The following ARHGAP24 variants were observed in gnomAD, a reference collection of about 807,000 sequenced individuals.
ARHGAP24 encodes Rho GTPase activating protein 24.
In ARHGAP24, 50 loss-of-function variants were observed where a neutral mutation model predicts 76.4. The observed-to-expected ratio is 0.65, with a 90% CI of 0.52 to 0.83. The LOEUF is 0.83. ARHGAP24 is among the 40% of genes least tolerant of loss of function. The pLI is 0.00. For synonymous variants in ARHGAP24, 345 were observed against 323.3 expected (o/e 1.07, Z -0.72); for missense variants, 930 against 914.2 (o/e 1.02, Z -0.22).
intron 3 of ARHGAP24, among the ~76,000 whole-genome samples, chr4:85,923,321 T>C (rs954088199): frequency 5.3e-5 from 8 of 152,176 alleles, no homozygotes; most frequent in Non-Finnish European, 1.2e-4. Context: ...TTTCATTTTG[T>C]TTTTGCTGTT....
intron 3 of ARHGAP24, among the ~76,000 whole-genome samples, chr4:85,918,000 G>A (rs759514647): frequency 2.0e-5 from 3 of 151,836 alleles, no homozygotes; most frequent in Non-Finnish European, 4.4e-5. Flanking sequence ...GAGCAACATA[G>A]GTCTCATGTC....
chr4:85,586,842 G>C (rs1364109006), intron 2 of ARHGAP24, among the ~76,000 whole-genome samples: 1 of 152,068 alleles, frequency 6.6e-6, no homozygotes, highest in Non-Finnish European at 1.5e-5. Context: ...ATGTTGCGGT[G>C]AACCGACATT....
chr4:85,798,261 T>C (rs1321172896), intron 3 of ARHGAP24, among the ~76,000 whole-genome samples: 2 of 152,214 alleles, frequency 1.3e-5, no homozygotes, highest in African/African-American at 4.8e-5. Context: ...CAAGGCATTA[T>C]GCTCAGTGAA....
At chr4:85,772,024 T>A (rs1727149677) in intron 3 of ARHGAP24, among the ~76,000 whole-genome samples, 1 of 152,190 alleles carries the variant, frequency 6.6e-6, no homozygotes, top group Non-Finnish European at 1.5e-5. Context: ...ATACCATTTT[T>A]AAATAAAAAT....
In ARHGAP24 at chr4:85,724,158, A is replaced by G. The variant is rs150218502; in HGVS notation, c.268+2186A>G. Among the ~76,000 whole-genome samples, 994 of 152,286 alleles carry G rather than the reference A, an allele frequency of 6.5e-3. 13 individuals are homozygous for G. The highest frequency in any genetic ancestry group is 0.023 in the Admixed American group (358 of 15,292). ...ACCTGGCAGCAGATCCTCATAAAGC[A>G]TATTTATTCTAGATTGGCTTTCTCT... is the stretch of plus-strand genomic sequence containing the variant. On this transcript the variant is annotated intron_variant, in intron 3 of 9. Coordinates refer to ENST00000395184, the MANE Select transcript of ARHGAP24 (RefSeq NM_001025616.3).
chr4:85,603,739 G>C (rs1720106788), intron 2 of ARHGAP24, among the ~76,000 whole-genome samples: 1 of 152,102 alleles, frequency 6.6e-6, no homozygotes, highest in Non-Finnish European at 1.5e-5. Flanking sequence ...TTCTAGTACT[G>C]TGCTAAGCGC....
intron 4 of ARHGAP24, among the ~76,000 whole-genome samples, chr4:85,933,841 C>G (rs1347834808): frequency 6.6e-6 from 1 of 152,158 alleles, no homozygotes; most frequent in African/African-American, 2.4e-5. Context: ...AAGTCCACCT[C>G]TATCTTGATT....
Position 85,671,774 on chromosome 4 carries a change from C to A in ARHGAP24, c.181-50111C>A, listed in dbSNP as rs181146175. Reference sequence around the variant, plus strand: ...AAATTATAGTTGAAGGGTAGGATTGCCTATAAAAATGGATACCTCTTAATA... The same window carrying A: ...AAATTATAGTTGAAGGGTAGGATTGACTATAAAAATGGATACCTCTTAATA... On this transcript the variant is annotated intron_variant, in intron 2 of 9. Coordinates refer to ENST00000395184, the MANE Select transcript of ARHGAP24 (RefSeq NM_001025616.3). 7.4e-3 allele frequency among the ~76,000 whole-genome samples: 1,132 copies of A among 152,112 alleles called. 14 individuals carry two copies. Among genetic ancestry groups the A allele is most frequent in the African/African-American group, 0.026 (1,078 of 41,470 alleles).
At chr4:85,755,631 G>GTTTTTTTTTTT (rs1329803538) in intron 3 of ARHGAP24, among the ~76,000 whole-genome samples, 2 of 115,790 alleles carry the variant, frequency 1.7e-5, no homozygotes, top group African/African-American at 3.2e-5. Context: ...CTTTTGTTTT[G>GTTTTTTTTTTT]TTTTGTTTTG....
At chr4:85,506,728 C>T (rs1044656295) in intron 1 of ARHGAP24, among the ~76,000 whole-genome samples, 5 of 152,192 alleles carry the variant, frequency 3.3e-5, no homozygotes, top group African/African-American at 9.7e-5. Context: ...CGCCCTGCTT[C>T]GACTCACCCT....
At chr4:85,907,685 A>G (rs1734845527) in intron 3 of ARHGAP24, among the ~76,000 whole-genome samples, 1 of 152,196 alleles carries the variant, frequency 6.6e-6, no homozygotes, top group Non-Finnish European at 1.5e-5. Flanking sequence ...TTGGAGATTC[A>G]TATGCTTGTT....
intron 2 of ARHGAP24, among the ~76,000 whole-genome samples, chr4:85,629,704 G>T (rs1721098134): frequency 6.6e-6 from 1 of 152,150 alleles, no homozygotes; most frequent in South Asian, 2.1e-4. Flanking sequence ...GTTCTGCTGA[G>T]AAATCATCTG....
intron 9 of ARHGAP24, among the ~76,000 whole-genome samples, chr4:85,996,057 G>A (rs1396577594): frequency 6.6e-6 from 1 of 152,128 alleles, no homozygotes; most frequent in Non-Finnish European, 1.5e-5. Context: ...GATGAAACTA[G>A]GGTAAAAAAA....
intron 2 of ARHGAP24, among the ~76,000 whole-genome samples, chr4:85,698,858 T>C (rs1723966692): frequency 6.6e-6 from 1 of 152,194 alleles, no homozygotes; most frequent in African/African-American, 2.4e-5. Context: ...AGGAAGTGTT[T>C]GAGTCATGAG....
intron 5 of ARHGAP24, among the ~76,000 whole-genome samples, chr4:85,955,392 C>A (rs1737852687): frequency 6.6e-6 from 1 of 152,008 alleles, no homozygotes; most frequent in South Asian, 2.1e-4. Context: ...CAAAACAAAA[C>A]AAAACAAAAA....
intron 2 of ARHGAP24, among the ~76,000 whole-genome samples, chr4:85,648,016 T>G (rs1721789045): frequency 6.6e-6 from 1 of 152,122 alleles, no homozygotes. Context: ...TTTGAAAAAT[T>G]TTTATTGAAG....
At chr4:85,902,031 T>A (rs971502042) in intron 3 of ARHGAP24, among the ~76,000 whole-genome samples, 2 of 152,204 alleles carry the variant, frequency 1.3e-5, no homozygotes, top group Non-Finnish European at 2.9e-5. Context: ...TGAGTCCATG[T>A]GTTCTCATTG....
intron 1 of ARHGAP24, among the ~76,000 whole-genome samples, chr4:85,496,864 G>T (rs1723603753): frequency 6.6e-6 from 1 of 152,098 alleles, no homozygotes; most frequent in Non-Finnish European, 1.5e-5. Flanking sequence ...TCCTTTCTGA[G>T]AAAAGTCCCG....
At chr4:85,652,899 G>T (rs59472761) in intron 2 of ARHGAP24, among the ~76,000 whole-genome samples, 16,768 of 151,618 alleles carry the variant, frequency 0.11, 3,144 homozygotes, top group African/African-American at 0.39. Flanking sequence ...TGAGTTTTTT[G>T]TTTGTTTGTT....
Sources: gnomAD v4.1 joint callset for allele counts (sites outside exome capture counted in the v4.1 genomes callset) on GRCh38, gnomAD v4.1.1 for gene constraint, MANE v1.5 for transcripts, NCBI Gene and HGNC (gene_info 2026-07-23, HGNC 2026-07-21) for gene names.